Variants in WASHC2A observed in about 807,000 individuals in gnomAD.
WASHC2A encodes WASH complex subunit FAM21A.
A neutral mutation model predicts 140.3 loss-of-function variants in WASHC2A; 82 were observed. That is an observed-to-expected ratio of 0.58 (90% CI 0.49 to 0.70). The LOEUF (loss-of-function observed/expected upper bound fraction) is 0.70, where lower values mean the gene tolerates loss of function less well. Ranked by LOEUF, WASHC2A falls within the 30% of genes least tolerant of loss-of-function variation. The pLI, the probability that WASHC2A is intolerant of heterozygous loss-of-function variation, is 0.00. For synonymous variants in WASHC2A, 340 were observed against 560.8 expected (o/e 0.61, Z 5.56); for missense variants, 985 against 1,521.8 (o/e 0.65, Z 5.87).
chr10:50,125,578 T>C, intron 25 of WASHC2A, 129 bp downstream of exon 25: 1 of 1,596,370 alleles, frequency 6.3e-7, no homozygotes, highest in Non-Finnish European at 8.6e-7. Flanking sequence ...GAATGGCAAA[T>C]AACATGCTGA....
intron 28 of WASHC2A, 70 bp from the exon 29 acceptor site, chr10:50,129,348 AT>A (rs1843724884): frequency 6.2e-7 from 1 of 1,611,836 alleles, no homozygotes; most frequent in African/African-American, 1.3e-5. Context: ...TGAGTCACTG[AT>A]TCTTTGCCAT....
At chr10:50,083,604 C>A (rs1487630842) in intron 5 of WASHC2A, among the ~76,000 whole-genome samples, 2 of 115,576 alleles carry the variant, frequency 1.7e-5, no homozygotes, top group African/African-American at 7.7e-5. Context: ...ATTGCCCAGG[C>A]TGGAGTGCAG....
intron 17 of WASHC2A, among the ~76,000 whole-genome samples, chr10:50,103,007 C>T (rs2132738726): frequency 6.6e-6 from 1 of 151,484 alleles, no homozygotes; most frequent in South Asian, 2.1e-4. Context: ...GCTGAGATAA[C>T]AGGCACCCAC....
intron 17 of WASHC2A, among the ~76,000 whole-genome samples, chr10:50,103,035 C>G (rs1841367805): frequency 6.7e-6 from 1 of 150,008 alleles, no homozygotes. Flanking sequence ...CCTGGCTAAT[C>G]TGGTATTTTT....
chr10:50,078,809 G>A, intron 4 of WASHC2A, 72 bp downstream of exon 4: 3 of 1,611,950 alleles, frequency 1.9e-6, no homozygotes, highest in Non-Finnish European at 2.5e-6. Context: ...TGTGTTATGT[G>A]GGAACTGGGG....
chr10:50,128,101 G>C (rs1192792725), intron 28 of WASHC2A, among the ~76,000 whole-genome samples: 1 of 151,082 alleles, frequency 6.6e-6, no homozygotes, highest in Non-Finnish European at 1.5e-5. Flanking sequence ...TCTAACCACA[G>C]AGCAGATCAT....
chr10:50,126,165 C>A lies in WASHC2A; in HGVS notation c.2797C>A (p.Pro933Thr), dbSNP rs782100794. 1.2e-5 allele frequency: 19 copies of A among 1,613,154 alleles called. No individual in the cohort carries two copies. The highest frequency in any genetic ancestry group is 4.4e-5 in the South Asian group (4 of 91,066). ...QGSKEKGIWKPETPQDSSGLA... is the reference protein window; with the variant it reads ...QGSKEKGIWKTETPQDSSGLA... ...TAGTAAAGAAAAAGGCATATGGAAGCCGGAAACACCTCAGGTTAGAAATCC... is the reference window on the plus strand; with the variant it reads ...TAGTAAAGAAAAAGGCATATGGAAGACGGAAACACCTCAGGTTAGAAATCC... The change falls in exon 26 of 31, where the codon CCG becomes ACG. Residue 933 changes from proline to threonine, a missense_variant. Physicochemically the swap from Pro to Thr is conservative, Grantham distance 38. Coordinates refer to ENST00000282633, the MANE Select transcript of WASHC2A (RefSeq NM_001005751.3).
At chr10:50,124,082 T>A (rs1554894090) in intron 23 of WASHC2A, among the ~76,000 whole-genome samples, 1 of 150,164 alleles carries the variant, frequency 6.7e-6, no homozygotes, top group Non-Finnish European at 1.5e-5. Context: ...TTTTCATTAG[T>A]TTTTTTGGTT....
At position 50,110,336 on chromosome 10, in the gene WASHC2A, C is replaced by T. The variant is rs1394726673; in HGVS notation, c.2039+66C>T. 8,805 of 1,597,434 alleles carry T rather than the reference C, an allele frequency of 5.5e-3. 418 individuals carry two copies. In the African/African-American group the frequency reaches 0.1, roughly 19 times the overall value. ...TGGTAACAAGAAAAGGAATCTGATG[C>T]ACAATCTAGTTCATCGGGTGATTGC... On this transcript the variant is annotated intron_variant, in intron 20 of 30. Coordinates refer to ENST00000282633, the MANE Select transcript of WASHC2A (RefSeq NM_001005751.3).
At chr10:50,111,827 A>G (rs1842313065) in intron 20 of WASHC2A, among the ~76,000 whole-genome samples, 1 of 152,184 alleles carries the variant, frequency 6.6e-6, no homozygotes. Context: ...CAGGAGTTGA[A>G]GAACAGCCTG....
intron 14 of WASHC2A, 117 bp downstream of exon 14, chr10:50,095,324 G>T: frequency 1.1e-6 from 1 of 951,920 alleles, no homozygotes; most frequent in Non-Finnish European, 1.6e-6. Flanking sequence ...GCTTCAAAGG[G>T]CTTTGAGCAT....
At position 50,097,820 on chromosome 10, in the gene WASHC2A, C is replaced by A. The variant is rs1350405301; in HGVS notation, c.1548+18C>A. On this transcript the variant is annotated intron_variant, in intron 16 of 30. Transcript: ENST00000282633. ...AAAAAAAGGTGAGCAGGAGGGAAGA[C>A]TTAACGCAGGAGCATTGATCTGCCG... 2 of 1,611,172 alleles carry A rather than the reference C, an allele frequency of 1.2e-6. No individual in the cohort carries two copies. The highest frequency in any genetic ancestry group is 1.3e-5 in the African/African-American group (1 of 74,716).
intron 2 of WASHC2A, among the ~76,000 whole-genome samples, chr10:50,069,149 G>C (rs1166344004): frequency 6.6e-6 from 1 of 152,074 alleles, no homozygotes; most frequent in Non-Finnish European, 1.5e-5. Context: ...CATTCCAGCC[G>C]GGCACAGTGG....
chr10:50,092,906 T>A (rs1400132647), intron 11 of WASHC2A, among the ~76,000 whole-genome samples: 8 of 151,160 alleles, frequency 5.3e-5, no homozygotes, highest in Admixed American at 3.3e-4. Context: ...AGTTTGCAGA[T>A]CCCTTTGTTT....
chr10:50,130,703 GC>G (rs2133122778), intron 29 of WASHC2A, among the ~76,000 whole-genome samples, 197 bp from the exon 30 acceptor site: 1 of 152,346 alleles, frequency 6.6e-6, no homozygotes, highest in East Asian at 1.9e-4. Flanking sequence ...TCACTGCAGT[GC>G]CGGCATTTGA....
rs1454557515 is a variant in WASHC2A at position 50,093,321 on chromosome 10, C to G, written c.1057C>G (p.Pro353Ala). The change falls in exon 12 of 31, where the codon CCA (proline) becomes GCA (alanine). Residue 353 changes from proline (P) to alanine (A), a missense_variant. Coordinates refer to ENST00000282633, the MANE Select transcript of WASHC2A (RefSeq NM_001005751.3). ...CAAGCTGACCGACGAGGACTTCTCG[C>G]CATTTGGCTCTGGAGGTGGCCTGTT... ...PPKLTDEDFS[P>A]FGSGGGLFSG... The G allele has an allele frequency of 6.8e-7, 1 of 1,463,650 alleles. No individual in the cohort carries two copies. Among genetic ancestry groups the G allele is most frequent in the African/African-American group, 1.4e-5 (1 of 71,106 alleles). The allele number at this position is 1,463,650 out of a possible 1,614,324, so 90.7% of individuals were successfully genotyped here.
intron 20 of WASHC2A, among the ~76,000 whole-genome samples, chr10:50,113,224 C>T (rs1265462483): frequency 2.0e-5 from 3 of 151,836 alleles, no homozygotes; most frequent in Admixed American, 1.3e-4. Flanking sequence ...AAAAAATTAG[C>T]CAGGCATGGT....
intron 20 of WASHC2A, among the ~76,000 whole-genome samples, chr10:50,110,571 G>C (rs1158470552): frequency 6.6e-6 from 1 of 151,764 alleles, no homozygotes; most frequent in Non-Finnish European, 1.5e-5. Flanking sequence ...CTACTCTAAA[G>C]TATGTCAGGT....
intron 20 of WASHC2A, among the ~76,000 whole-genome samples, chr10:50,110,518 T>A (rs1842192608): frequency 1.3e-5 from 2 of 151,802 alleles, no homozygotes; most frequent in African/African-American, 2.4e-5. Context: ...TTTCTTTGTT[T>A]GTCAGGGATT....
Sources: allele counts gnomAD v4.1 joint callset (sites outside exome capture counted in the v4.1 genomes callset), GRCh38; gene constraint gnomAD v4.1.1; transcripts MANE v1.5; gene names NCBI Gene and HGNC (gene_info 2026-07-23, HGNC 2026-07-21).